FSCN3: variants seen among roughly 807,000 people sequenced by gnomAD.
The protein encoded by FSCN3 is fascin actin-bundling protein 3, also known as fascin-3.
FSCN3 carries 43 observed loss-of-function variants against 53.5 expected under a neutral mutation model. That is an observed-to-expected ratio of 0.80 (90% CI 0.63 to 1.04). The LOEUF is 1.04. Ranked by LOEUF, FSCN3 falls within the 50% of genes least tolerant of loss-of-function variation. FSCN3 has a pLI of 0.00. For missense variants in FSCN3, 594 were observed against 646.5 expected (o/e 0.92, Z 0.88); for synonymous variants, 235 against 246.6 (o/e 0.95, Z 0.44).
At chr7:127,597,480 A>ATTT (rs11415174) in intron 3 of FSCN3, among the ~76,000 whole-genome samples, 1 of 142,684 alleles carries the variant, frequency 7.0e-6, no homozygotes, top group Non-Finnish European at 1.5e-5. Flanking sequence ...AAGGTTTAGA[A>ATTT]TTTTTTTTTT....
intron 6 of FSCN3, 57 bp downstream of exon 6, chr7:127,600,456 G>C: frequency 9.5e-7 from 1 of 1,048,088 alleles, no homozygotes; most frequent in Admixed American, 1.8e-5. Context: ...GGCAAGAGGA[G>C]AAGGGAGGTG....
intron 4 of FSCN3, among the ~76,000 whole-genome samples, chr7:127,598,970 A>C (rs906558419): frequency 6.6e-6 from 1 of 152,064 alleles, no homozygotes; most frequent in East Asian, 1.9e-4. Context: ...CAAAAAAAAA[A>C]AAAAAAGTAC....
chr7:127,598,295 T>C (rs570645568), intron 3 of FSCN3, 140 bp from the exon 4 acceptor site: 1 of 767,292 alleles, frequency 1.3e-6, no homozygotes, highest in East Asian at 2.6e-5. Context: ...TCCAAAAAGG[T>C]TCTGAAAGCA....
At position 127,595,455 on chromosome 7, in the gene FSCN3, G is replaced by A. The variant is rs35505193; in HGVS notation, c.293G>A (p.Arg98His). Residue 98 changes from arginine (R) to histidine (H), a missense_variant, in exon 2 of 7, where the codon CGT (arginine) becomes CAT (histidine). By Grantham distance (29) the Arg-to-His change is conservative (BLOSUM62 0). Coordinates refer to ENST00000265825, the MANE Select transcript of FSCN3 (RefSeq NM_020369.3). Reference sequence around the variant, plus strand: ...AGCCACCATGGGTGCTTTCTACTGCGTTTCCACCGGAACAGCAAGTGGACC... The same window carrying A: ...AGCCACCATGGGTGCTTTCTACTGCATTTCCACCGGAACAGCAAGTGGACC... ...RTSHHGCFLLRFHRNSKWTLQ... is the reference protein window; with the variant it reads ...RTSHHGCFLLHFHRNSKWTLQ... The A allele has an allele frequency of 3.2e-4, 514 of 1,614,134 alleles. 2 individuals are homozygous for A. The African/African-American group carries it at 6.2e-3, about 20-fold the overall frequency.
intron 3 of FSCN3, among the ~76,000 whole-genome samples, chr7:127,597,480 ATTT>A (rs11415174): frequency 7.0e-6 from 1 of 142,672 alleles, no homozygotes. Flanking sequence ...AAGGTTTAGA[ATTT>A]TTTTTTTTTT....
In FSCN3 at chr7:127,595,586, C is replaced by A; in HGVS notation, c.424C>A (p.Leu142Ile). The A allele has an allele frequency of 6.2e-7, 1 of 1,614,190 alleles. No homozygotes were observed. The highest frequency in any genetic ancestry group is 1.6e-4 in the Middle Eastern group (1 of 6,062). ...CCACATGTGGACCCCCCGACCAGCC[C>A]TCCATGTCCACGTGATCCTCTACAG... ...AYHMWTPRPA[L>I]HVHVILYSPI... The change falls in exon 2 of 7, where the codon CTC becomes ATC. Residue 142 changes from leucine (L) to isoleucine (I), a missense_variant. Physicochemically the swap from Leu to Ile is conservative, Grantham distance 5. Transcript: ENST00000265825.
At chr7:127,594,157 A>G (rs1341887263) in intron 1 of FSCN3, among the ~76,000 whole-genome samples, 160 bp downstream of exon 1, 4 of 72,390 alleles carry the variant, frequency 5.5e-5, no homozygotes, top group African/African-American at 1.3e-4. Context: ...CTGAGTGGCC[A>G]AGCTGTGTGT....
At chr7:127,600,687 C>T (rs1794460631) in intron 6 of FSCN3, among the ~76,000 whole-genome samples, 1 of 152,156 alleles carries the variant, frequency 6.6e-6, no homozygotes, top group Admixed American at 6.5e-5. Flanking sequence ...TGTTCTTGTA[C>T]ATTTCTATCT....
At chr7:127,599,797 T>C (rs1270663090) in intron 5 of FSCN3, among the ~76,000 whole-genome samples, 2 of 151,604 alleles carry the variant, frequency 1.3e-5, no homozygotes, top group Admixed American at 6.6e-5. Flanking sequence ...TACAAAAAAT[T>C]AGCCGGGCGT....
chr7:127,593,865 A>G lies in FSCN3; in HGVS notation c.12A>G (p.Thr4=), dbSNP rs754580400. The change falls in exon 1 of 7, where the codon ACA becomes ACG. Residue 4 remains threonine, a synonymous_variant. Coordinates refer to ENST00000265825, the MANE Select transcript of FSCN3 (RefSeq NM_020369.3). ...GTGGTGTCAGCCCCATGGATGAGAC[A>G]GAGTGGATACACAGACATCCCAAGG... MDE[T]EWIHRHPKAE... is the part of the protein sequence containing the mutation. 6.4e-7 allele frequency: 1 copy of G among 1,569,692 alleles called. No individual in the cohort carries two copies. The highest frequency in any genetic ancestry group is 8.6e-7 in the Non-Finnish European group (1 of 1,157,058).
chr7:127,593,869 T>G lies in FSCN3; in HGVS notation c.16T>G (p.Trp6Gly), dbSNP rs1004616503. Reference protein sequence around the residue: MDETEWIHRHPKAEDL... With the variant: MDETEGIHRHPKAEDL... Reference sequence around the variant, plus strand: ...TGTCAGCCCCATGGATGAGACAGAGTGGATACACAGACATCCCAAGGCTGA... The same window carrying G: ...TGTCAGCCCCATGGATGAGACAGAGGGGATACACAGACATCCCAAGGCTGA... The change falls in exon 1 of 7, where the codon TGG becomes GGG. Residue 6 changes from tryptophan to glycine, a missense_variant. Physicochemically the swap from Trp to Gly is radical, Grantham distance 184. Coordinates refer to ENST00000265825, the MANE Select transcript of FSCN3 (RefSeq NM_020369.3). 1.9e-6 allele frequency: 3 copies of G among 1,570,194 alleles called. No homozygotes were observed. The highest frequency in any genetic ancestry group is 2.6e-6 in the Non-Finnish European group (3 of 1,157,686).
chr7:127,596,005 C>T lies in FSCN3; in HGVS notation c.841+2C>T. The T allele has an allele frequency of 6.5e-7, 1 of 1,543,998 alleles. No homozygotes were observed. The highest frequency in any genetic ancestry group is 8.7e-7 in the Non-Finnish European group (1 of 1,145,114). ...GGCGGTTCATCTCAGTCATCTACGGCAAGTGCTGGACCCAACACAGATGGA... is the reference window on the plus strand; with the variant it reads ...GGCGGTTCATCTCAGTCATCTACGGTAAGTGCTGGACCCAACACAGATGGA... On this transcript the variant is annotated splice_donor_variant, in intron 2 of 6. Transcript: ENST00000265825. LOFTEE classifies it low-confidence loss of function (GC_TO_GT_DONOR).
intron 6 of FSCN3, 121 bp downstream of exon 6, chr7:127,600,520 T>C: frequency 1.6e-6 from 1 of 627,808 alleles, no homozygotes; most frequent in Non-Finnish European, 2.9e-6. Flanking sequence ...CTGACTTCTG[T>C]CCCATAATTT....
intron 1 of FSCN3, chr7:127,594,626 T>C (rs1323651111): frequency 4.2e-6 from 2 of 471,040 alleles, no homozygotes; most frequent in Non-Finnish European, 8.8e-6. Context: ...AGTGGAGTTA[T>C]TGCAAAGCCT....
Position 127,598,595 on chromosome 7 carries a change from G to C in FSCN3, c.1120+1G>C. On this transcript the variant is annotated splice_donor_variant, in intron 4 of 6. Coordinates refer to ENST00000265825, the MANE Select transcript of FSCN3 (RefSeq NM_020369.3). LOFTEE classifies it high-confidence loss of function. The stretch of plus-strand genomic sequence containing the variant: ...CTGATGGCCAATGTCATCCTTCCAG[G>C]TGAGTGGAGCAGCCTTCCTGCCAGA... The C allele has an allele frequency of 1.2e-6, 2 of 1,601,424 alleles. No individual in the cohort carries two copies. Among genetic ancestry groups the C allele is most frequent in the Non-Finnish European group, 1.7e-6 (2 of 1,171,696 alleles).
chr7:127,598,344 G>A (rs1794421501), intron 3 of FSCN3, 91 bp from the exon 4 acceptor site: 15 of 1,214,170 alleles, frequency 1.2e-5, no homozygotes, highest in Non-Finnish European at 1.8e-5. Context: ...TGAGTGGGAT[G>A]TGGGAAGAGG....
chr7:127,596,716 A>G (rs767623804), intron 3 of FSCN3: 14 of 198,468 alleles, frequency 7.1e-5, no homozygotes, highest in Non-Finnish European at 7.0e-5. Context: ...TATATTATGT[A>G]TGTTTTATAA....
intron 5 of FSCN3, among the ~76,000 whole-genome samples, chr7:127,599,917 C>G (rs1245540639): frequency 1.1e-4 from 10 of 87,124 alleles, no homozygotes; most frequent in Non-Finnish European, 2.4e-4. Context: ...AGCACTCCAG[C>G]CTGGGCGACA....
chr7:127,598,345 T>A (rs757498757), intron 3 of FSCN3, 90 bp from the exon 4 acceptor site: 6 of 1,226,914 alleles, frequency 4.9e-6, no homozygotes, highest in Non-Finnish European at 6.0e-6. Context: ...GAGTGGGATG[T>A]GGGAAGAGGG....
Sources: gnomAD v4.1 joint callset for allele counts (sites outside exome capture counted in the v4.1 genomes callset) on GRCh38, gnomAD v4.1.1 for gene constraint, MANE v1.5 for transcripts, NCBI Gene and HGNC (gene_info 2026-07-23, HGNC 2026-07-21) for gene names.